RASGRF2: variants seen among roughly 807,000 people sequenced by gnomAD.
RASGRF2 encodes ras-specific guanine nucleotide-releasing factor 2.
In RASGRF2, 76 loss-of-function variants were observed where a neutral mutation model predicts 151.0. The ratio of observed to expected loss-of-function variants is 0.50; its 90% CI spans 0.42 to 0.61. The LOEUF (loss-of-function observed/expected upper bound fraction) is 0.61. RASGRF2 is among the 20% of genes least tolerant of loss of function. The pLI is 0.00. For synonymous variants in RASGRF2, 504 were observed against 566.5 expected (o/e 0.89, Z 1.57); for missense variants, 1,148 against 1,564.6 (o/e 0.73, Z 4.49).
intron 26 of RASGRF2, among the ~76,000 whole-genome samples, chr5:81,221,796 G>A (rs1755862075): frequency 6.6e-6 from 1 of 152,210 alleles, no homozygotes; most frequent in Non-Finnish European, 1.5e-5. Flanking sequence ...GGCCAACATG[G>A]TGAAACCCCA....
intron 2 of RASGRF2, among the ~76,000 whole-genome samples, chr5:81,050,933 G>A (rs1266273675): frequency 6.6e-6 from 1 of 152,008 alleles, no homozygotes; most frequent in Non-Finnish European, 1.5e-5. Flanking sequence ...CCCTCCATTA[G>A]GGCAGAAGAA....
chr5:81,180,294 C>T lies in RASGRF2; in HGVS notation c.2793+13C>T. ...AAAGCACGCACAGGTAAGTCAGTGC[C>T]CTCATTAATTACTTGCAAGGATTTT... On this transcript the variant is annotated intron_variant, in intron 18 of 26. Transcript: ENST00000265080. The T allele has an allele frequency of 6.7e-7, 1 of 1,483,336 alleles. No individual in the cohort carries two copies. Among genetic ancestry groups the T allele is most frequent in the Non-Finnish European group, 9.4e-7 (1 of 1,061,844 alleles). The allele number at this position is 1,483,336 out of a possible 1,614,324, so 91.9% of individuals were successfully genotyped here.
At chr5:81,114,867 T>C (rs1189118351) in intron 15 of RASGRF2, 1 of 152,224 alleles carries the variant, frequency 6.6e-6, no homozygotes, top group Non-Finnish European at 1.5e-5. Context: ...TTTTGTTAAA[T>C]GAATGAATGA....
At chr5:81,102,696 C>CAAA (rs35561550) in intron 12 of RASGRF2, among the ~76,000 whole-genome samples, 1 of 77,924 alleles carries the variant, frequency 1.3e-5, no homozygotes, top group Admixed American at 1.4e-4. Context: ...CTCTGTCTCC[C>CAAA]AAAAAAAAAA....
rs746095394 is a variant in RASGRF2 at position 80,977,708 on chromosome 5, C to T, written c.288+16682C>T. Among the ~76,000 whole-genome samples the T allele has an allele frequency of 5.9e-5, 9 of 152,210 alleles. No individual in the cohort carries two copies. The South Asian group carries it at 1.0e-3, about 18-fold the overall frequency. On this transcript the variant is annotated intron_variant, in intron 1 of 26. Transcript: ENST00000265080. ...CTGACCTCAGGTGATCCGCCTGCTT[C>T]GGCCTCCCAAAGTGCTGGGATTATA...
At chr5:80,962,941 A>G (rs541394311) in intron 1 of RASGRF2, among the ~76,000 whole-genome samples, 2 of 152,348 alleles carry the variant, frequency 1.3e-5, no homozygotes, top group East Asian at 3.9e-4. Flanking sequence ...GTGTTTGTAG[A>G]TAAATCTGAG....
intron 2 of RASGRF2, among the ~76,000 whole-genome samples, chr5:81,057,991 G>A (rs1208404541): frequency 1.3e-5 from 2 of 151,708 alleles, no homozygotes; most frequent in Admixed American, 6.6e-5. Flanking sequence ...AGAAGAACCT[G>A]CCTCAAAAAT....
chr5:81,152,739 AGAAAAG>A (rs1288010499), intron 17 of RASGRF2, among the ~76,000 whole-genome samples: 1 of 152,238 alleles, frequency 6.6e-6, no homozygotes, highest in Non-Finnish European at 1.5e-5. Flanking sequence ...ATACCAAAAT[AGAAAAG>A]CTTTTATTCA....
chr5:81,148,687 G>A (rs1754060429), intron 17 of RASGRF2, among the ~76,000 whole-genome samples: 1 of 137,182 alleles, frequency 7.3e-6, no homozygotes, highest in African/African-American at 2.6e-5. Context: ...GGTGGGGGGA[G>A]GGGGAGGGAT....
chr5:81,112,612 C>T lies in RASGRF2; in HGVS notation c.1841C>T (p.Ser614Phe), dbSNP rs1459477630. Residue 614 changes from serine (S) to phenylalanine (F), a missense_variant and splice_region_variant, in exon 14 of 27, where the codon TCT becomes TTT. Coordinates refer to ENST00000265080, the MANE Select transcript of RASGRF2 (RefSeq NM_006909.3). ...CATGTTCCTGCCTTTGCACGTAGGT[C>T]TGATGCCCGTCTTCATAAAGACGAC... is the stretch of plus-strand genomic sequence containing the variant. The part of the protein sequence containing the change: ...SKVTVPHMIK[S>F]DARLHKDDTD... The T allele has an allele frequency of 8.7e-6, 14 of 1,614,138 alleles. No individual in the cohort carries two copies. The highest frequency in any genetic ancestry group is 1.3e-5 in the African/African-American group (1 of 75,040).
In RASGRF2 at chr5:81,053,282, C is replaced by T. The variant is rs952427822; in HGVS notation, c.395+10299C>T. Among the ~76,000 whole-genome samples the T allele has an allele frequency of 7.1e-5, 9 of 127,086 alleles. No homozygotes were observed. In the South Asian group the frequency reaches 1.0e-3, roughly 14 times the overall value. The allele number at this position is 127,086 out of a possible 152,430, so 83.4% of individuals were successfully genotyped here. On this transcript the variant is annotated intron_variant, in intron 2 of 26. Coordinates refer to ENST00000265080, the MANE Select transcript of RASGRF2 (RefSeq NM_006909.3). ...TAATGTTTTCCCTCCCCCCTCCCCC[C>T]ACCCCATGACAGGCCCCAGTGTGTG...
At position 81,148,403 on chromosome 5, in the gene RASGRF2, G is replaced by T. The variant is rs551246297; in HGVS notation, c.2686+21240G>T. ...CTTCCTGCATATAAGAAAGCTCTGA[G>T]AACTGCCTTTTATCCCTTTGTGCAG... On this transcript the variant is annotated intron_variant, in intron 17 of 26. Coordinates refer to ENST00000265080, the MANE Select transcript of RASGRF2 (RefSeq NM_006909.3). 1.1e-3 allele frequency among the ~76,000 whole-genome samples: 165 copies of T among 152,290 alleles called. 1 individual carries two copies. In the South Asian group the frequency reaches 0.013, roughly 12 times the overall value.
At chr5:81,199,235 G>A (rs1377353509) in intron 18 of RASGRF2, among the ~76,000 whole-genome samples, 1 of 152,210 alleles carries the variant, frequency 6.6e-6, no homozygotes, top group African/African-American at 2.4e-5. Context: ...TGTCCTTTGA[G>A]CTGGAAGAGT....
intron 17 of RASGRF2, among the ~76,000 whole-genome samples, chr5:81,174,331 G>A (rs1278590471): frequency 6.6e-6 from 1 of 152,238 alleles, no homozygotes; most frequent in Non-Finnish European, 1.5e-5. Context: ...AGTTTGAAAT[G>A]AGGAGTTTGG....
intron 17 of RASGRF2, among the ~76,000 whole-genome samples, chr5:81,138,703 C>T (rs918851584): frequency 4.6e-5 from 7 of 152,090 alleles, no homozygotes; most frequent in Admixed American, 4.6e-4. Context: ...GTGCTGCTAC[C>T]AGGTCCCGGT....
At chr5:81,029,267 A>C (rs1230556237) in intron 1 of RASGRF2, among the ~76,000 whole-genome samples, 1 of 152,236 alleles carries the variant, frequency 6.6e-6, no homozygotes, top group Non-Finnish European at 1.5e-5. Context: ...CTGCAGACTT[A>C]AACATCCCTG....
chr5:81,049,394 T>A (rs970371830), intron 2 of RASGRF2, among the ~76,000 whole-genome samples: 1 of 152,212 alleles, frequency 6.6e-6, no homozygotes, highest in African/African-American at 2.4e-5. Context: ...CTTTTTATGC[T>A]AATTTGGAGG....
At chr5:81,022,643 C>T (rs980684974) in intron 1 of RASGRF2, among the ~76,000 whole-genome samples, 6 of 152,184 alleles carry the variant, frequency 3.9e-5, no homozygotes, top group Admixed American at 3.3e-4. Flanking sequence ...GTTTTCTCCA[C>T]GTACCTCGGA....
At chr5:80,970,997 C>T (rs916441855) in intron 1 of RASGRF2, among the ~76,000 whole-genome samples, 4 of 152,136 alleles carry the variant, frequency 2.6e-5, no homozygotes, top group Admixed American at 6.5e-5. Flanking sequence ...GCCCAGAGTC[C>T]ATGTTCAAAA....
Sources: allele counts gnomAD v4.1 joint callset (sites outside exome capture counted in the v4.1 genomes callset), GRCh38; gene constraint gnomAD v4.1.1; transcripts MANE v1.5; gene names NCBI Gene and HGNC (gene_info 2026-07-23, HGNC 2026-07-21).